SCUBE2: variants seen among roughly 807,000 people sequenced by gnomAD.
SCUBE2 encodes the protein signal peptide, CUB and EGF-like domain-containing protein 2.
SCUBE2 carries 114 observed loss-of-function variants against 125.9 expected under a neutral mutation model. The observed-to-expected ratio is 0.91, with a 90% CI of 0.78 to 1.06. The LOEUF (loss-of-function observed/expected upper bound fraction) is 1.06. Among genes scored for constraint, SCUBE2 ranks in the 50% least tolerant of loss-of-function variants. The pLI is 0.00. For missense variants in SCUBE2, 1,255 were observed against 1,301.8 expected, an observed-to-expected ratio of 0.96 and a Z score of 0.55; for synonymous variants, 459 against 492.9, an observed-to-expected ratio of 0.93 and a Z score of 0.91.
intron 6 of SCUBE2, 30 bp downstream of exon 6, chr11:9,066,667 C>A (rs548663595): frequency 1.3e-6 from 2 of 1,560,976 alleles, no homozygotes; most frequent in African/African-American, 2.7e-5. Flanking sequence ...CTGGTGCAGA[C>A]CCTCACTCAG....
intron 13 of SCUBE2, among the ~76,000 whole-genome samples, chr11:9,051,206 CTATCTATCTATCTATCTAT>C (rs1331556898): frequency 2.0e-5 from 3 of 148,518 alleles, no homozygotes; most frequent in South Asian, 4.5e-4. Flanking sequence ...ATCTATCTAT[CTATCTATCTATCTATCTAT>C]CTACCTACCT....
chr11:9,060,795 A>C lies in SCUBE2; in HGVS notation c.851-271T>G, dbSNP rs149595785. Among the ~76,000 whole-genome samples the C allele has an allele frequency of 3.6e-3, 548 of 152,302 alleles. 5 individuals carry two copies. Among genetic ancestry groups the C allele is most frequent in the African/African-American group, 0.012 (479 of 41,572 alleles). ...TCCCCCTACTGGCAAATTTAAAGCCACTGAAAGTTCCTGCTGATCTGCAGC... is the reference window on the plus strand; with the variant it reads ...TCCCCCTACTGGCAAATTTAAAGCCCCTGAAAGTTCCTGCTGATCTGCAGC... On this transcript the variant is annotated intron_variant, in intron 7 of 22. Transcript: ENST00000649792.
At chr11:9,025,185 C>A (rs1359443416) in intron 21 of SCUBE2, among the ~76,000 whole-genome samples, 1 of 152,204 alleles carries the variant, frequency 6.6e-6, no homozygotes, top group Non-Finnish European at 1.5e-5. Flanking sequence ...CCCAAGATCC[C>A]ACAGTGAGTC....
intron 16 of SCUBE2, among the ~76,000 whole-genome samples, chr11:9,035,597 C>T (rs916270193): frequency 5.3e-5 from 8 of 152,062 alleles, no homozygotes; most frequent in Non-Finnish European, 8.8e-5. Flanking sequence ...CAAGGGAGAT[C>T]GGTTTTCATC....
chr11:9,077,268 G>GT (rs1861280651), intron 3 of SCUBE2, among the ~76,000 whole-genome samples: 1 of 151,976 alleles, frequency 6.6e-6, no homozygotes, highest in African/African-American at 2.4e-5. Context: ...CTAGGTGATG[G>GT]TTTTTTTTAA....
At chr11:9,059,840 G>A (rs1266851470) in intron 8 of SCUBE2, 1 of 163,602 alleles carries the variant, frequency 6.1e-6, no homozygotes. Context: ...TGATCAAATA[G>A]CCTCAATGTT....
chr11:9,069,242 A>T, intron 5 of SCUBE2, 128 bp downstream of exon 5: 1 of 1,178,944 alleles, frequency 8.5e-7, no homozygotes, highest in South Asian at 1.4e-5. Flanking sequence ...AGAGGTCGGT[A>T]TCCCGTGCTA....
intron 18 of SCUBE2, 88 bp from the exon 19 acceptor site, chr11:9,030,133 G>T (rs1366199747): frequency 4.8e-6 from 7 of 1,454,784 alleles, no homozygotes; most frequent in African/African-American, 1.4e-5. Context: ...GTTTGTGAAA[G>T]AAATGTTTAT....
At chr11:9,088,533 AAT>A (rs1193061225) in intron 2 of SCUBE2, among the ~76,000 whole-genome samples, 1 of 152,216 alleles carries the variant, frequency 6.6e-6, no homozygotes, top group East Asian at 1.9e-4. Context: ...TAAAGAAGTT[AAT>A]ATGTTTTTCG....
chr11:9,068,883 T>TA (rs1860510399), intron 5 of SCUBE2, among the ~76,000 whole-genome samples: 1 of 152,182 alleles, frequency 6.6e-6, no homozygotes. Context: ...TATTAGAAGT[T>TA]AAACAGAATA....
chr11:9,050,333 C>A, intron 14 of SCUBE2: 1 of 356,064 alleles, frequency 2.8e-6, no homozygotes, highest in Non-Finnish European at 5.1e-6. Flanking sequence ...CCCTTATTGA[C>A]TTCTGTGAAC....
intron 15 of SCUBE2, 59 bp from the exon 16 acceptor site, chr11:9,047,621 G>T: frequency 1.3e-6 from 2 of 1,533,766 alleles, no homozygotes; most frequent in Non-Finnish European, 1.8e-6. Context: ...GTGTGACAAT[G>T]GCCAGATCAA....
At position 9,053,093 on chromosome 11, in the gene SCUBE2, A is replaced by G; in HGVS notation, c.1447+6T>C. 6.2e-7 allele frequency: 1 copy of G among 1,612,320 alleles called. No individual in the cohort carries two copies. Among genetic ancestry groups the G allele is most frequent in the Non-Finnish European group, 8.5e-7 (1 of 1,178,416 alleles). ...GGACCTGCCCCGGGAACTGGGCCCC[A>G]CTCACCTGAAGAGAGGTGAATGCCA... On this transcript the variant is annotated splice_donor_region_variant and intron_variant, in intron 12 of 22. Coordinates refer to ENST00000649792, the MANE Select transcript of SCUBE2 (RefSeq NM_001367977.2).
chr11:9,062,026 C>G (rs575677140), intron 7 of SCUBE2, among the ~76,000 whole-genome samples: 2 of 152,218 alleles, frequency 1.3e-5, no homozygotes, highest in South Asian at 4.1e-4. Flanking sequence ...TGTGACTACC[C>G]TTCTCCTATT....
intron 2 of SCUBE2, among the ~76,000 whole-genome samples, chr11:9,087,008 G>T (rs1014758469): frequency 6.6e-6 from 1 of 152,044 alleles, no homozygotes; most frequent in Non-Finnish European, 1.5e-5. Flanking sequence ...GTGGATAAAT[G>T]GATGGGAGGC....
At chr11:9,023,363 T>C (rs1855468214) in intron 21 of SCUBE2, among the ~76,000 whole-genome samples, 1 of 152,204 alleles carries the variant, frequency 6.6e-6, no homozygotes, top group Admixed American at 6.5e-5. Flanking sequence ...TAGTGTGGTG[T>C]CTTTCTTTTA....
intron 6 of SCUBE2, among the ~76,000 whole-genome samples, chr11:9,066,226 C>G (rs1483754685): frequency 6.6e-6 from 1 of 152,172 alleles, no homozygotes; most frequent in Non-Finnish European, 1.5e-5. Context: ...CAAAGAGACA[C>G]TAGGGAATGC....
In SCUBE2 at chr11:9,069,359, C is replaced by T; in HGVS notation, c.643+11G>A. ...GGTTCCCATGGCAGGTGTGCACTGG[C>T]CCATACTTACAGATGCAGTCTCTCT... On this transcript the variant is annotated intron_variant, in intron 5 of 22. Coordinates refer to ENST00000649792, the MANE Select transcript of SCUBE2 (RefSeq NM_001367977.2). 7 of 1,614,100 alleles carry T rather than the reference C, an allele frequency of 4.3e-6. No individual in the cohort carries two copies. The highest frequency in any genetic ancestry group is 5.9e-6 in the Non-Finnish European group (7 of 1,179,994).
rs563988925 is a variant in SCUBE2, at chr11:9,027,656, C to A, written c.2504-95G>T. ...GAGCCCCGCAGCACCCCTGTTGCCA[C>A]CCAGGAATGGGGCATGAAAATGACA... On this transcript the variant is annotated intron_variant, in intron 19 of 22. Coordinates refer to ENST00000649792, the MANE Select transcript of SCUBE2 (RefSeq NM_001367977.2). The A allele has an allele frequency of 2.4e-5, 25 of 1,050,532 alleles. No individual in the cohort carries two copies. In the South Asian group the frequency reaches 3.4e-4, roughly 14 times the overall value. 65.1% of individuals were successfully genotyped at this position (1,050,532 alleles called of 1,614,324 possible).
Sources: gnomAD v4.1 joint callset for allele counts (sites outside exome capture counted in the v4.1 genomes callset) on GRCh38, gnomAD v4.1.1 for gene constraint, MANE v1.5 for transcripts, NCBI Gene and HGNC (gene_info 2026-07-23, HGNC 2026-07-21) for gene names.